The following MAD1L1 variants were observed in gnomAD, a reference collection of about 807,000 sequenced individuals.
MAD1L1 encodes the protein mitotic spindle assembly checkpoint protein MAD1.
In MAD1L1, 95 loss-of-function variants were observed where a neutral mutation model predicts 96.9. The ratio of observed to expected loss-of-function variants is 0.98; its 90% CI spans 0.83 to 1.16. MAD1L1 has a LOEUF of 1.16. Among genes scored for constraint, MAD1L1 ranks in the 50% most tolerant of loss-of-function variants. The pLI is 0.00. For missense variants in MAD1L1, 1,007 were observed against 954.4 expected (o/e 1.06, Z -0.73); for synonymous variants, 473 against 396.6 (o/e 1.19, Z -2.29).
intron 11 of MAD1L1, among the ~76,000 whole-genome samples, chr7:2,094,084 G>A (rs1786351979): frequency 6.6e-6 from 1 of 152,242 alleles, no homozygotes; most frequent in South Asian, 2.1e-4. Flanking sequence ...ACTGGTGAGT[G>A]GGGAGCCCGC....
chr7:1,874,262 GAC>G lies in MAD1L1; in HGVS notation c.1998+23936_1998+23937del, dbSNP rs758197668. 1.1e-4 allele frequency among the ~76,000 whole-genome samples: 17 copies of G among 152,304 alleles called. 1 individual carries two copies. The South Asian group carries it at 1.5e-3, about 13-fold the overall frequency. ...ACCAGCGCATCAGCTTTGGGGAGGT[GAC>G]ACACACTGGCAGACAACCGTGTCAT... On this transcript the variant is annotated intron_variant, in intron 18 of 18. Coordinates refer to ENST00000265854, the MANE Select transcript of MAD1L1 (RefSeq NM_001013836.2).
chr7:1,974,751 G>C (rs766326576), intron 15 of MAD1L1, among the ~76,000 whole-genome samples: 1 of 152,250 alleles, frequency 6.6e-6, no homozygotes, highest in Non-Finnish European at 1.5e-5. Context: ...AAGCTCTCAA[G>C]AGCGGAAGGG....
At chr7:1,820,466 TA>T in intron 18 of MAD1L1, among the ~76,000 whole-genome samples, 1 of 146,950 alleles carries the variant, frequency 6.8e-6, no homozygotes, top group Admixed American at 6.9e-5. Context: ...ACTGCTTCTT[TA>T]AAAAATAGCA....
At chr7:2,185,528 T>A (rs1247576792) in intron 10 of MAD1L1, among the ~76,000 whole-genome samples, 1 of 152,212 alleles carries the variant, frequency 6.6e-6, no homozygotes, top group African/African-American at 2.4e-5. Context: ...AAGGAATAGA[T>A]AGTTTCTTTT....
chr7:1,844,058 G>T (rs746902710), intron 18 of MAD1L1: 4 of 154,494 alleles, frequency 2.6e-5, no homozygotes, highest in African/African-American at 9.6e-5. Flanking sequence ...AAGGCTGCAC[G>T]GTTTCACTAC....
intron 13 of MAD1L1, among the ~76,000 whole-genome samples, chr7:2,006,326 G>A (rs1253410418): frequency 6.6e-6 from 1 of 152,158 alleles, no homozygotes; most frequent in Non-Finnish European, 1.5e-5. Flanking sequence ...GGGCAGGAGG[G>A]AGTTGGGAGA....
chr7:2,159,833 G>A lies in MAD1L1; in HGVS notation c.987-10595C>T, dbSNP rs79715783. Among the ~76,000 whole-genome samples the A allele has an allele frequency of 9.2e-3, 1,399 of 152,306 alleles. 21 individuals carry two copies. Among genetic ancestry groups the A allele is most frequent in the African/African-American group, 0.032 (1,311 of 41,560 alleles). ...TATTAACATGAAAGATCACCAAAAA[G>A]GCAGTGCTAAATACAGACACAAGAA... On this transcript the variant is annotated intron_variant, in intron 10 of 18. Transcript: ENST00000265854.
At chr7:1,913,917 G>A (rs1788183290) in intron 17 of MAD1L1, among the ~76,000 whole-genome samples, 1 of 152,148 alleles carries the variant, frequency 6.6e-6, no homozygotes, top group Non-Finnish European at 1.5e-5. Flanking sequence ...GGCCCTGCTT[G>A]GAGTCCTGGG....
chr7:1,838,655 T>G (rs1332575821), intron 18 of MAD1L1: 1 of 425,916 alleles, frequency 2.3e-6, no homozygotes, highest in African/African-American at 2.0e-5. Context: ...AGACAGCGGC[T>G]GCCGACGGCT....
chr7:1,913,361 G>T (rs1054973217), intron 17 of MAD1L1, among the ~76,000 whole-genome samples: 1 of 152,204 alleles, frequency 6.6e-6, no homozygotes, highest in African/African-American at 2.4e-5. Context: ...AAGCGGCCTG[G>T]GGTGGCGTGG....
intron 14 of MAD1L1, among the ~76,000 whole-genome samples, chr7:1,997,573 C>A (rs1781612097): frequency 6.6e-6 from 1 of 152,288 alleles, no homozygotes; most frequent in Non-Finnish European, 1.5e-5. Context: ...GGGAGTCAGG[C>A]TGTCCCGCAG....
chr7:2,010,501 A>G (rs1368732938), intron 13 of MAD1L1, among the ~76,000 whole-genome samples: 2 of 152,204 alleles, frequency 1.3e-5, no homozygotes, highest in East Asian at 3.8e-4. Context: ...GCGTATTTAT[A>G]GCTCTATCCA....
chr7:2,230,128 T>G lies in MAD1L1; in HGVS notation c.6A>C (p.Glu2Asp). 1 of 1,593,124 alleles carries G rather than the reference T, an allele frequency of 6.3e-7. No individual in the cohort carries two copies. M[E>D]DLGENTMVLS... ...AAACCATGGTGTTTTCCCCCAGGTCTTCCATGGTTGCTTTCCTTCCGGGGA... is the reference window on the plus strand; with the variant it reads ...AAACCATGGTGTTTTCCCCCAGGTCGTCCATGGTTGCTTTCCTTCCGGGGA... The change falls in exon 3 of 19, where the codon GAA becomes GAC. Residue 2 changes from glutamate to aspartate, a missense_variant. By Grantham distance (45) the Glu-to-Asp change is conservative (BLOSUM62 2). Transcript: ENST00000265854.
rs201534658 is a variant in MAD1L1, at chr7:2,158,859, GGCTGCACCT to G, written c.987-9630_987-9622del. Among the ~76,000 whole-genome samples the G allele has an allele frequency of 2.0e-3, 302 of 152,290 alleles. 2 individuals carry two copies. Among genetic ancestry groups the G allele is most frequent in the Middle Eastern group, 6.8e-3 (2 of 294 alleles). ...GGTTCTGCAGGAGCCACCTGCCTGA[GGCTGCACCT>G]GCTGCACCTGCTGCACCCAGCCTGA... On this transcript the variant is annotated intron_variant, in intron 10 of 18. Transcript: ENST00000265854.
At chr7:1,932,153 G>A (rs1194305633) in intron 17 of MAD1L1, among the ~76,000 whole-genome samples, 2 of 152,114 alleles carry the variant, frequency 1.3e-5, no homozygotes, top group Non-Finnish European at 2.9e-5. Context: ...CCAGGCTGGG[G>A]GCTTCCTTCT....
In MAD1L1 at chr7:1,936,722, G is replaced by A. The variant is rs752940171; in HGVS notation, c.1772C>T (p.Ala591Val). The change falls in exon 17 of 19, where the codon GCC (alanine) becomes GTC (valine). Residue 591 changes from alanine (A) to valine (V), a missense_variant. Transcript: ENST00000265854. ...CTTGGACGATGGCAGACTCGCGGCG[G>A]CAGCCTCAAGGTCGGCTGGGACGGT... ...GGTVPADLEAAAASLPSSKEV... is the reference protein window; with the variant it reads ...GGTVPADLEAVAASLPSSKEV... 5.8e-6 allele frequency: 9 copies of A among 1,560,832 alleles called. No homozygotes were observed. The highest frequency in any genetic ancestry group is 4.3e-6 in the Non-Finnish European group (5 of 1,153,860).
intron 18 of MAD1L1, among the ~76,000 whole-genome samples, chr7:1,882,883 G>A (rs1390668181): frequency 6.6e-6 from 1 of 152,064 alleles, no homozygotes; most frequent in Non-Finnish European, 1.5e-5. Flanking sequence ...GAGAACTGAA[G>A]TCTTGAGAAA....
At chr7:1,866,945 A>G (rs1320779604) in intron 18 of MAD1L1, among the ~76,000 whole-genome samples, 1 of 152,158 alleles carries the variant, frequency 6.6e-6, no homozygotes, top group African/African-American at 2.4e-5. Flanking sequence ...GTCCTCCTGC[A>G]GTAGGGATGG....
At chr7:1,826,220 C>T (rs898418499) in intron 18 of MAD1L1, among the ~76,000 whole-genome samples, 10 of 152,174 alleles carry the variant, frequency 6.6e-5, no homozygotes, top group African/African-American at 2.2e-4. Context: ...TGCACATCCA[C>T]GGCCCGAAGG....
Sources: allele counts gnomAD v4.1 joint callset (sites outside exome capture counted in the v4.1 genomes callset), GRCh38; gene constraint gnomAD v4.1.1; transcripts MANE v1.5; gene names NCBI Gene and HGNC (gene_info 2026-07-23, HGNC 2026-07-21).